The following ZDHHC14 variants were observed in gnomAD, a reference collection of about 807,000 sequenced individuals.
ZDHHC14 encodes the protein palmitoyltransferase ZDHHC14.
A neutral mutation model predicts 47.7 loss-of-function variants in ZDHHC14; 16 were observed. The ratio of observed to expected loss-of-function variants is 0.34; its 90% CI spans 0.23 to 0.51. The LOEUF (loss-of-function observed/expected upper bound fraction) is 0.51, where lower values mean the gene tolerates loss of function less well. ZDHHC14 is among the 20% of genes least tolerant of loss of function. ZDHHC14 has a pLI of 0.97. For synonymous variants in ZDHHC14, 293 were observed against 278.9 expected, an observed-to-expected ratio of 1.05 and a Z score of -0.50; for missense variants, 515 against 662.5, an observed-to-expected ratio of 0.78 and a Z score of 2.44.
In ZDHHC14 at chr6:157,556,061, G is replaced by C. The variant is rs534020286; in HGVS notation, c.406+13316G>C. Among the ~76,000 whole-genome samples the C allele has an allele frequency of 2.6e-5, 4 of 152,322 alleles. No homozygotes were observed. In the East Asian group the frequency reaches 7.7e-4, roughly 29 times the overall value. On this transcript the variant is annotated intron_variant, in intron 2 of 8. Coordinates refer to ENST00000359775, the MANE Select transcript of ZDHHC14 (RefSeq NM_024630.3). ...TGGGATGCGGGGCGGCAGAGACCAG[G>C]AGAAGGGAGGTGTTATTTTACAAAC...
intron 1 of ZDHHC14, among the ~76,000 whole-genome samples, chr6:157,454,855 G>A (rs1322834943): frequency 6.6e-6 from 1 of 152,164 alleles, no homozygotes; most frequent in African/African-American, 2.4e-5. Context: ...ATTTGATGCT[G>A]ACATGGTGTT....
intron 1 of ZDHHC14, among the ~76,000 whole-genome samples, chr6:157,440,215 A>G (rs1223601478): frequency 1.3e-5 from 2 of 151,936 alleles, no homozygotes; most frequent in East Asian, 3.8e-4. Flanking sequence ...ACTCAATAGC[A>G]GAAATACACA....
intron 1 of ZDHHC14, among the ~76,000 whole-genome samples, chr6:157,425,731 C>T (rs1778204979): frequency 6.6e-6 from 1 of 152,172 alleles, no homozygotes; most frequent in African/African-American, 2.4e-5. Context: ...CATCCCCAGC[C>T]CCTGGGCCAT....
intron 5 of ZDHHC14, among the ~76,000 whole-genome samples, chr6:157,642,066 A>G (rs143022605): frequency 1.4e-5 from 2 of 147,714 alleles, no homozygotes; most frequent in Non-Finnish European, 3.0e-5. Flanking sequence ...AGATAGATAG[A>G]TAGTTATCAT....
chr6:157,461,704 T>C (rs1226911965), intron 1 of ZDHHC14, among the ~76,000 whole-genome samples: 1 of 152,208 alleles, frequency 6.6e-6, no homozygotes, highest in Admixed American at 6.5e-5. Context: ...GGATGCCTGT[T>C]GGAGAACAGA....
chr6:157,388,974 G>A (rs777576265), intron 1 of ZDHHC14, among the ~76,000 whole-genome samples: 6 of 152,108 alleles, frequency 3.9e-5, no homozygotes, highest in Non-Finnish European at 8.8e-5. Flanking sequence ...TTGAGTGTGT[G>A]TATTCCCAAA....
At chr6:157,439,644 C>G (rs544597656) in intron 1 of ZDHHC14, among the ~76,000 whole-genome samples, 1 of 152,284 alleles carries the variant, frequency 6.6e-6, no homozygotes, top group Non-Finnish European at 1.5e-5. Flanking sequence ...TTTGACCCAG[C>G]AATCTCATTA....
In ZDHHC14 at chr6:157,540,906, G is replaced by GTATATATATATATATATA. The variant is rs1470065372; in HGVS notation, c.246-1678_246-1677insATATATATATATATATAT. On this transcript the variant is annotated intron_variant, in intron 1 of 8. Transcript: ENST00000359775. Reference sequence around the variant, plus strand: ...TGTATGTATGTGTGTGTGTGTGTGTGTGTGTATATATATATATATATATAT... The same window carrying GTATATATATATATATATA: ...TGTATGTATGTGTGTGTGTGTGTGTGTATATATATATATATATATGTGTATATATATATATATATATAT... 1.6e-3 allele frequency among the ~76,000 whole-genome samples: 203 copies of GTATATATATATATATATA among 126,982 alleles called. 1 individual carries two copies. The highest frequency in any genetic ancestry group is 2.5e-3 in the Non-Finnish European group (165 of 66,114). The allele number at this position is 126,982 out of a possible 152,430, so 83.3% of individuals were successfully genotyped here.
Position 157,653,607 on chromosome 6 carries a change from A to C in ZDHHC14, c.1048A>C (p.Thr350Pro), listed in dbSNP as rs773258099. The change falls in exon 8 of 9, where the codon ACG (threonine) becomes CCG (proline). Residue 350 changes from threonine (T) to proline (P), a missense_variant. By Grantham distance (38) the Thr-to-Pro change is conservative (BLOSUM62 -1). Coordinates refer to ENST00000359775, the MANE Select transcript of ZDHHC14 (RefSeq NM_024630.3). ...PSNGITMYGATQSQSDMCDQD... is the reference protein window; with the variant it reads ...PSNGITMYGAPQSQSDMCDQD... The stretch of plus-strand genomic sequence containing the variant: ...CAATGGCATCACCATGTACGGGGCC[A>C]CGCAGTCACAGAGTGACATGGTAGG... 6.2e-7 allele frequency: 1 copy of C among 1,613,732 alleles called. No homozygotes were observed. The highest frequency in any genetic ancestry group is 8.5e-7 in the Non-Finnish European group (1 of 1,179,942).
At chr6:157,486,319 C>T (rs1177036628) in intron 1 of ZDHHC14, among the ~76,000 whole-genome samples, 1 of 152,148 alleles carries the variant, frequency 6.6e-6, no homozygotes, top group Admixed American at 6.5e-5. Flanking sequence ...ATTTCAATTC[C>T]GTTAAACTTG....
intron 8 of ZDHHC14, among the ~76,000 whole-genome samples, chr6:157,669,253 G>A (rs568539206): frequency 1.3e-5 from 2 of 152,182 alleles, no homozygotes; most frequent in East Asian, 3.9e-4. Flanking sequence ...TTAGGTGGCA[G>A]AGAGGTGATC....
At chr6:157,433,921 G>A (rs377511910) in intron 1 of ZDHHC14, among the ~76,000 whole-genome samples, 2 of 152,114 alleles carry the variant, frequency 1.3e-5, no homozygotes. Flanking sequence ...CAGTGACCAG[G>A]AACAAGAGAG....
chr6:157,564,240 T>A (rs568563173), intron 2 of ZDHHC14, among the ~76,000 whole-genome samples: 61 of 152,230 alleles, frequency 4.0e-4, no homozygotes, highest in Admixed American at 3.3e-4. Flanking sequence ...GGGCGGGGGC[T>A]TTGGTTGGAT....
chr6:157,654,032 C>T (rs143782525), intron 8 of ZDHHC14, among the ~76,000 whole-genome samples: 194 of 152,250 alleles, frequency 1.3e-3, no homozygotes, highest in African/African-American at 4.4e-3. Context: ...CTTCCTCAAG[C>T]GTGCAGTGGC....
intron 1 of ZDHHC14, among the ~76,000 whole-genome samples, chr6:157,474,019 C>T (rs1394953493): frequency 1.4e-5 from 2 of 144,698 alleles, no homozygotes; most frequent in African/African-American, 2.6e-5. Context: ...GACGGAGTCT[C>T]GCTCTATCGC....
chr6:157,673,426 G>A lies in ZDHHC14; in HGVS notation c.*304G>A. 2.3e-6 allele frequency: 1 copy of A among 440,872 alleles called. No individual in the cohort carries two copies. Among genetic ancestry groups the A allele is most frequent in the Non-Finnish European group, 4.0e-6 (1 of 252,168 alleles). 27.3% of individuals were successfully genotyped at this position (440,872 alleles called of 1,614,324 possible). ...TCGGAGTGTGTCTGCCCGCCCTTGT[G>A]ACAGACACACGGAAGGCTTCTGACG... is the stretch of plus-strand genomic sequence containing the variant. On this transcript the variant is annotated 3_prime_UTR_variant, in exon 9 of 9. Coordinates refer to ENST00000359775, the MANE Select transcript of ZDHHC14 (RefSeq NM_024630.3). This position sits in a 1 kb window ranked among gnomAD's most constrained non-coding sequence, Gnocchi z 5.4.
Position 157,551,162 on chromosome 6 carries a change from G to A in ZDHHC14, c.406+8417G>A, listed in dbSNP as rs369085772. Among the ~76,000 whole-genome samples the A allele has an allele frequency of 2.1e-4, 32 of 152,344 alleles. 1 individual carries two copies. The Middle Eastern group carries it at 0.024, about 113-fold the overall frequency. Reference sequence around the variant, plus strand: ...ACCCCTACCCAGCCAAGGGCATCAAGAGAGGTGATGACTTGTGGGTCTGTC... The same window carrying A: ...ACCCCTACCCAGCCAAGGGCATCAAAAGAGGTGATGACTTGTGGGTCTGTC... On this transcript the variant is annotated intron_variant, in intron 2 of 8. Transcript: ENST00000359775.
chr6:157,644,449 T>C (rs1160227887), intron 5 of ZDHHC14, among the ~76,000 whole-genome samples: 2 of 152,256 alleles, frequency 1.3e-5, no homozygotes, highest in Non-Finnish European at 2.9e-5. Context: ...TCTGGTTCCC[T>C]ACCACTCCCC....
chr6:157,577,853 C>A (rs1218348108), intron 2 of ZDHHC14, among the ~76,000 whole-genome samples: 1 of 152,180 alleles, frequency 6.6e-6, no homozygotes, highest in Non-Finnish European at 1.5e-5. Context: ...AGCCAGCCTG[C>A]ATCTGTTATT....
Sources: allele counts gnomAD v4.1 joint callset (sites outside exome capture counted in the v4.1 genomes callset), GRCh38; gene constraint gnomAD v4.1.1; non-coding constraint Gnocchi (gnomAD v3.1); transcripts MANE v1.5; gene names NCBI Gene and HGNC (gene_info 2026-07-23, HGNC 2026-07-21).